EBF3: variants seen among roughly 807,000 people sequenced by gnomAD.
EBF3 encodes EBF transcription factor 3, also known as transcription factor COE3.
In EBF3, 18 loss-of-function variants were observed where a neutral mutation model predicts 77.1. The observed-to-expected ratio is 0.23, with a 90% confidence interval of 0.16 to 0.35. The LOEUF (loss-of-function observed/expected upper bound fraction) is 0.35. EBF3 is among the 10% of genes least tolerant of loss of function. The pLI is 1.00. For missense variants in EBF3, 558 were observed against 860.0 expected (o/e 0.65, Z 4.39); for synonymous variants, 350 against 343.5 (o/e 1.02, Z -0.21).
intron 8 of EBF3, 99 bp from the exon 9 acceptor site, chr10:129,868,011 G>A: frequency 6.6e-7 from 1 of 1,512,610 alleles, no homozygotes; most frequent in Non-Finnish European, 8.9e-7. Context: ...CGCGGGAGGA[G>A]AGGCGCGCCG....
intron 6 of EBF3, among the ~76,000 whole-genome samples, chr10:129,916,236 G>A (rs1271787589): frequency 1.3e-5 from 2 of 152,200 alleles, no homozygotes; most frequent in Non-Finnish European, 2.9e-5. Context: ...CCTGGCAGGG[G>A]TGAGACCACC....
chr10:129,960,892 C>G (rs1459182114), intron 4 of EBF3, among the ~76,000 whole-genome samples: 1 of 152,134 alleles, frequency 6.6e-6, no homozygotes, highest in African/African-American at 2.4e-5. Flanking sequence ...AACCAGCAGC[C>G]GGAGTTCCAG....
In EBF3 at chr10:129,861,472, C is replaced by A. The variant is rs116023326; in HGVS notation, c.1039+5669G>T. Among the ~76,000 whole-genome samples, 1,215 of 152,130 alleles carry A rather than the reference C, an allele frequency of 8.0e-3. 16 individuals are homozygous for A. Among genetic ancestry groups the A allele is most frequent in the African/African-American group, 0.026 (1,068 of 41,486 alleles). On this transcript the variant is annotated intron_variant, in intron 10 of 16. Coordinates refer to ENST00000440978, the MANE Select transcript of EBF3 (RefSeq NM_001375380.1). This position sits in a 1 kb window ranked among gnomAD's most constrained non-coding sequence, Gnocchi z 4.3. ...AGGTCCAGAGTCAGCCTGAGCTGAA[C>A]ACACAGACCCAAGCTATTCTCTGAT...
intron 3 of EBF3, among the ~76,000 whole-genome samples, chr10:129,962,677 A>G (rs1237001403): frequency 1.3e-5 from 2 of 151,950 alleles, no homozygotes; most frequent in African/African-American, 2.4e-5. Context: ...ATTAATTTGC[A>G]AAATTGAAAA....
intron 6 of EBF3, among the ~76,000 whole-genome samples, chr10:129,951,564 T>C (rs538473080): frequency 3.9e-5 from 6 of 152,354 alleles, no homozygotes; most frequent in Admixed American, 1.3e-4. Context: ...TGTGGGTGTG[T>C]AGCTTGTTTT....
chr10:129,947,685 G>GA lies in EBF3; in HGVS notation c.554+9572dup, dbSNP rs199955197. ...TCTTTGCAAAGGAACCAAATGCTTTGAAAAAAAAAAAAAAAGAAGGGCAGG... is the reference window on the plus strand; with the variant it reads ...TCTTTGCAAAGGAACCAAATGCTTTGAAAAAAAAAAAAAAAAGAAGGGCAGG... On this transcript the variant is annotated intron_variant, in intron 6 of 16. Transcript: ENST00000440978. This position sits in a 1 kb window ranked among gnomAD's most constrained non-coding sequence, Gnocchi z 4.5. Among the ~76,000 whole-genome samples the GA allele has an allele frequency of 0.053, 6,477 of 121,314 alleles. 162 individuals carry two copies. Among genetic ancestry groups the GA allele is most frequent in the South Asian group, 0.065 (245 of 3,780 alleles). 79.6% of individuals were successfully genotyped at this position (121,314 alleles called of 152,430 possible).
At chr10:129,942,420 C>T (rs1484038361) in intron 6 of EBF3, among the ~76,000 whole-genome samples, 3 of 152,130 alleles carry the variant, frequency 2.0e-5, no homozygotes, top group Non-Finnish European at 2.9e-5. Context: ...AGGTAAATGC[C>T]AAACAAAACA....
chr10:129,866,718 C>G (rs907589617), intron 10 of EBF3, among the ~76,000 whole-genome samples: 2 of 152,208 alleles, frequency 1.3e-5, no homozygotes, highest in African/African-American at 4.8e-5. Flanking sequence ...CTCTCTGAGC[C>G]TCGGCCTGTG....
chr10:129,888,476 G>C (rs539394535), intron 6 of EBF3, among the ~76,000 whole-genome samples: 1 of 152,260 alleles, frequency 6.6e-6, no homozygotes, highest in Non-Finnish European at 1.5e-5. Flanking sequence ...ACAAGGCCGC[G>C]GAGGCCCAGT....
intron 6 of EBF3, among the ~76,000 whole-genome samples, chr10:129,923,249 A>G (rs1856436380): frequency 6.6e-6 from 1 of 152,210 alleles, no homozygotes; most frequent in Admixed American, 6.5e-5. Flanking sequence ...ATCATTTTGC[A>G]ATAGAAAAAG....
rs923137487 is a variant in EBF3, at chr10:129,837,563, A to C, written c.*380T>G. 9.1e-6 allele frequency: 2 copies of C among 220,030 alleles called. No homozygotes were observed. The highest frequency in any genetic ancestry group is 4.6e-5 in the African/African-American group (2 of 43,134). The allele number at this position is 220,030 out of a possible 1,614,324, so 13.6% of individuals were successfully genotyped here. A position where few individuals can be genotyped will look rare whatever the true frequency, so the allele number is the denominator to read the frequency against. On this transcript the variant is annotated 3_prime_UTR_variant, in exon 17 of 17. Coordinates refer to ENST00000440978, the MANE Select transcript of EBF3 (RefSeq NM_001375380.1). ...CATTTTTCATCAGCGTTTCATGATC[A>C]TCAAAATGGTGCATTCACAAAGTTT...
At chr10:129,953,978 T>C (rs1000490133) in intron 6 of EBF3, among the ~76,000 whole-genome samples, 2 of 152,178 alleles carry the variant, frequency 1.3e-5, no homozygotes, top group Admixed American at 6.5e-5. Context: ...GGACAATGGG[T>C]GTTCCTAATG....
chr10:129,851,325 T>C (rs909622999), intron 10 of EBF3, among the ~76,000 whole-genome samples: 10 of 152,214 alleles, frequency 6.6e-5, no homozygotes, highest in Non-Finnish European at 1.2e-4. Flanking sequence ...ATTTGTTTTA[T>C]GTTAATATTT....
In EBF3 at chr10:129,943,181, G is replaced by C. The variant is rs147987947; in HGVS notation, c.554+14077C>G. The stretch of plus-strand genomic sequence containing the variant: ...GCCAGAGCCAGAGAGCTGCCAGGCA[G>C]CTCTTCATTGGGGCCAGGCCTGACC... On this transcript the variant is annotated intron_variant, in intron 6 of 16. Coordinates refer to ENST00000440978, the MANE Select transcript of EBF3 (RefSeq NM_001375380.1). This position sits in a 1 kb window ranked among gnomAD's most constrained non-coding sequence, Gnocchi z 8.8. Among the ~76,000 whole-genome samples, 420 of 152,312 alleles carry C rather than the reference G, an allele frequency of 2.8e-3. 4 individuals carry two copies. Among genetic ancestry groups the C allele is most frequent in the African/African-American group, 9.6e-3 (398 of 41,556 alleles).
chr10:129,902,139 T>A lies in EBF3; in HGVS notation c.555-24290A>T, dbSNP rs543649408. Among the ~76,000 whole-genome samples, 19 of 152,238 alleles carry A rather than the reference T, an allele frequency of 1.2e-4. No homozygotes were observed. In the South Asian group the frequency reaches 2.9e-3, roughly 23 times the overall value. Reference sequence around the variant, plus strand: ...GGGAATTAGAAGTGAGTTTACTTCATCTAGCGCCACACTTAGTTCCCCACC... The same window carrying A: ...GGGAATTAGAAGTGAGTTTACTTCAACTAGCGCCACACTTAGTTCCCCACC... On this transcript the variant is annotated intron_variant, in intron 6 of 16. Coordinates refer to ENST00000440978, the MANE Select transcript of EBF3 (RefSeq NM_001375380.1).
At chr10:129,918,263 G>A (rs914294369) in intron 6 of EBF3, among the ~76,000 whole-genome samples, 9 of 152,194 alleles carry the variant, frequency 5.9e-5, no homozygotes, top group South Asian at 2.1e-4. Flanking sequence ...TGACCTAAGC[G>A]GGCAGAGGTG....
At position 129,870,317 on chromosome 10, in the gene EBF3, T is replaced by C. The variant is rs1416390041; in HGVS notation, c.782-2405A>G. On this transcript the variant is annotated intron_variant, in intron 8 of 16. Transcript: ENST00000440978. The surrounding 1 kb of genome is among the most constrained non-coding windows in gnomAD (Gnocchi z 4.4). Reference sequence around the variant, plus strand: ...GAGATCTAATGATATACGCGCACAATACACTCAAGCAGATGACAGGAGCTG... The same window carrying C: ...GAGATCTAATGATATACGCGCACAACACACTCAAGCAGATGACAGGAGCTG... Among the ~76,000 whole-genome samples the C allele has an allele frequency of 6.6e-6, 1 of 151,760 alleles. No individual in the cohort carries two copies. The highest frequency in any genetic ancestry group is 2.1e-4 in the South Asian group (1 of 4,820).
chr10:129,878,741 T>C (rs76118598), intron 6 of EBF3, among the ~76,000 whole-genome samples: 2 of 136,000 alleles, frequency 1.5e-5, no homozygotes, highest in African/African-American at 5.5e-5. Context: ...GGAGAATCAC[T>C]TGAACCCAGG....
At chr10:129,910,980 C>A (rs750979193) in intron 6 of EBF3, among the ~76,000 whole-genome samples, 1 of 152,228 alleles carries the variant, frequency 6.6e-6, no homozygotes, top group African/African-American at 2.4e-5. Context: ...CAGAGCTCAG[C>A]GCGGAGGCTC....
Sources: allele counts gnomAD v4.1 joint callset (sites outside exome capture counted in the v4.1 genomes callset), GRCh38; gene constraint gnomAD v4.1.1; non-coding constraint Gnocchi (gnomAD v3.1); transcripts MANE v1.5; gene names NCBI Gene and HGNC (gene_info 2026-07-23, HGNC 2026-07-21).